The following IGFL4 variants were observed in gnomAD, a reference collection of about 807,000 sequenced individuals.
The protein encoded by IGFL4 is IGF like family member 4.
IGFL4 carries 12 observed loss-of-function variants against 15.4 expected under a neutral mutation model. That is an observed-to-expected ratio of 0.78 (90% CI 0.50 to 1.26). The LOEUF (loss-of-function observed/expected upper bound fraction) is 1.26, where lower values mean the gene tolerates loss of function less well. Among genes scored for constraint, IGFL4 ranks in the 50% most tolerant of loss-of-function variants. The pLI is 0.00. For missense variants in IGFL4, 126 were observed against 147.8 expected (o/e 0.85, Z 0.76); for synonymous variants, 54 against 55.9 (o/e 0.97, Z 0.16).
upstream of IGFL4, among the ~76,000 whole-genome samples, chr19:46,045,295 TAGCTG>T (rs1261236421): frequency 6.6e-6 from 1 of 151,880 alleles, no homozygotes; most frequent in Non-Finnish European, 1.5e-5. Flanking sequence ...ATACAAAAGT[TAGCTG>T]GGCATGGTGG....
chr19:46,061,960 A>C (rs1336908415), intron 1 of IGFL4, among the ~76,000 whole-genome samples: 1 of 152,204 alleles, frequency 6.6e-6, no homozygotes, highest in Admixed American at 6.5e-5. Flanking sequence ...AATCAAAACC[A>C]TCACATAACA....
rs755178335 is a variant in IGFL4, at chr19:46,040,207, C to T, written c.280G>A (p.Gly94Ser). 7 of 1,614,126 alleles carry T rather than the reference C, an allele frequency of 4.3e-6. No homozygotes were observed. In the South Asian group the frequency reaches 4.4e-5, roughly 10 times the overall value. ...NQTVVRFKVP[G>S]MKPDCKSSPI... ...GAGGACTTGCAATCTGGCTTCATGC[C>T]TGGGACCTTGAACCTCACAACTGTC... is the stretch of plus-strand genomic sequence containing the variant. The change falls in exon 3 of 4, where the codon GGC becomes AGC. Residue 94 changes from glycine to serine, a missense_variant. Transcript: ENST00000377697. The surrounding 1 kb of genome is among the most constrained non-coding windows in gnomAD (Gnocchi z 4.1).
chr19:46,067,845 G>A (rs1969509807), intron 1 of IGFL4, among the ~76,000 whole-genome samples: 2 of 152,206 alleles, frequency 1.3e-5, no homozygotes, highest in African/African-American at 4.8e-5. Flanking sequence ...ACATCATGGA[G>A]AACTGCTCCA....
In IGFL4 at chr19:46,039,848, A is replaced by G. The variant is rs772219816; in HGVS notation, c.*44T>C. 2.7e-6 allele frequency: 4 copies of G among 1,475,696 alleles called. No homozygotes were observed. The highest frequency in any genetic ancestry group is 3.3e-5 in the Admixed American group (2 of 59,838). The allele number at this position is 1,475,696 out of a possible 1,614,324, so 91.4% of individuals were successfully genotyped here. ...AATCAATGCAGTATAATTACCAAGT[A>G]TTAGATTCTAGAGTGATCTGTGACT... On this transcript the variant is annotated 3_prime_UTR_variant, in exon 4 of 4. Coordinates refer to ENST00000377697, the MANE Select transcript of IGFL4 (RefSeq NM_001002923.3).
chr19:46,061,300 T>C (rs2146523168), intron 1 of IGFL4, among the ~76,000 whole-genome samples: 1 of 152,360 alleles, frequency 6.6e-6, no homozygotes, highest in East Asian at 1.9e-4. Flanking sequence ...TTCCTGAAGA[T>C]TACATAAGTC....
chr19:46,076,815 C>T (rs1969603705), intron 1 of IGFL4, among the ~76,000 whole-genome samples: 1 of 152,054 alleles, frequency 6.6e-6, no homozygotes, highest in Non-Finnish European at 1.5e-5. Flanking sequence ...TTCACTCTAT[C>T]TTTCCTGGCT....
chr19:46,044,376 A>C (rs1969277818), upstream of IGFL4, among the ~76,000 whole-genome samples: 1 of 152,120 alleles, frequency 6.6e-6, no homozygotes, highest in Non-Finnish European at 1.5e-5. Flanking sequence ...GAATCCAGAG[A>C]ACCAAGCAGT....
At chr19:46,063,360 CACACACAT>C (rs1318132675) in intron 1 of IGFL4, among the ~76,000 whole-genome samples, 11 of 151,564 alleles carry the variant, frequency 7.3e-5, no homozygotes, top group African/African-American at 2.2e-4. Flanking sequence ...CACACACACA[CACACACAT>C]ACACGATCCC....
At chr19:46,071,706 C>A (rs1179652543) in intron 1 of IGFL4, among the ~76,000 whole-genome samples, 1 of 152,156 alleles carries the variant, frequency 6.6e-6, no homozygotes, top group Non-Finnish European at 1.5e-5. Flanking sequence ...CCAACAAAGA[C>A]CTTTCTAAAA....
chr19:46,047,606 C>T lies in IGFL4; in HGVS notation c.-322-6496G>A, dbSNP rs566866119. On this transcript the variant is annotated intron_variant, in intron 2 of 5. Transcript: ENST00000601672. ...AAGGGAGATATTACCACTGACCCCA[C>T]GGAAATATAAACAAACATCACAGAA... Among the ~76,000 whole-genome samples the T allele has an allele frequency of 3.2e-4, 48 of 152,194 alleles. No homozygotes were observed. In the South Asian group the frequency reaches 8.5e-3, roughly 27 times the overall value.
chr19:46,074,736 C>T (rs1432073329), intron 1 of IGFL4, among the ~76,000 whole-genome samples: 3 of 152,200 alleles, frequency 2.0e-5, no homozygotes, highest in Admixed American at 6.5e-5. Flanking sequence ...AGATTAACAT[C>T]GGGTCTGCCT....
intron 2 of IGFL4, among the ~76,000 whole-genome samples, chr19:46,053,430 G>T (rs2146517748): frequency 6.6e-6 from 1 of 152,212 alleles, no homozygotes; most frequent in East Asian, 1.9e-4. Context: ...GGCCAGGGTG[G>T]TCTGGAACTC....
intron 1 of IGFL4, among the ~76,000 whole-genome samples, chr19:46,066,716 A>T (rs1386038246): frequency 2.6e-5 from 4 of 152,178 alleles, no homozygotes; most frequent in African/African-American, 7.2e-5. Context: ...TTAAATGACC[A>T]GATCTTGCAA....
chr19:46,062,966 CTT>C (rs35527736), intron 1 of IGFL4: 48,877 of 151,860 alleles, frequency 0.32, 8,125 homozygotes, highest in African/African-American at 0.4. Flanking sequence ...GAGAATAGCA[CTT>C]AACATCCTGT....
At chr19:46,045,587 C>T (rs1969291070), upstream of IGFL4, among the ~76,000 whole-genome samples, 1 of 151,826 alleles carries the variant, frequency 6.6e-6, no homozygotes, top group Non-Finnish European at 1.5e-5. Flanking sequence ...ACATAACTGA[C>T]CCAATGGAAC....
intron 1 of IGFL4, among the ~76,000 whole-genome samples, chr19:46,061,483 C>G (rs769855480): frequency 1.3e-5 from 2 of 152,070 alleles, no homozygotes; most frequent in Non-Finnish European, 2.9e-5. Flanking sequence ...TGTTCATTTG[C>G]CAGTTTGTTA....
At position 46,040,692 on chromosome 19, in the gene IGFL4, C is replaced by T; in HGVS notation, c.20-124G>A. ...AGCTCAGAGTGGATTTTGGGACTGG[C>T]TGTGGGTGCAGGTCCTGGGGACTGG... On this transcript the variant is annotated intron_variant, in intron 1 of 3. Coordinates refer to ENST00000377697, the MANE Select transcript of IGFL4 (RefSeq NM_001002923.3). The surrounding 1 kb of genome is among the most constrained non-coding windows in gnomAD (Gnocchi z 4.1). 1.7e-6 allele frequency: 2 copies of T among 1,174,734 alleles called. No homozygotes were observed. The highest frequency in any genetic ancestry group is 2.5e-6 in the Non-Finnish European group (2 of 802,256). 72.8% of individuals were successfully genotyped at this position (1,174,734 alleles called of 1,614,324 possible).
At chr19:46,044,831 G>A (rs73042237), upstream of IGFL4, among the ~76,000 whole-genome samples, 5,141 of 152,106 alleles carry the variant, frequency 0.034, 131 homozygotes, top group East Asian at 0.072. Context: ...CGGGAAAAAC[G>A]GAGGCAACCA....
chr19:46,042,417 C>T (rs942815346), upstream of IGFL4, among the ~76,000 whole-genome samples: 3 of 152,142 alleles, frequency 2.0e-5, no homozygotes, highest in Non-Finnish European at 2.9e-5. Flanking sequence ...ATTATAACTC[C>T]GAGCCAGCAA....
Sources: gnomAD v4.1 joint callset for allele counts (sites outside exome capture counted in the v4.1 genomes callset) on GRCh38, gnomAD v4.1.1 for gene constraint, Gnocchi (gnomAD v3.1) non-coding constraint, MANE v1.5 for transcripts, NCBI Gene and HGNC (gene_info 2026-07-23, HGNC 2026-07-21) for gene names.